The following NOL4 variants were observed in gnomAD, a reference collection of about 807,000 sequenced individuals.
The protein encoded by NOL4 is cancer/testis antigen 125.
NOL4 carries 17 observed loss-of-function variants against 75.9 expected under a neutral mutation model. The ratio of observed to expected loss-of-function variants is 0.22; its 90% CI spans 0.15 to 0.34. NOL4 has a LOEUF of 0.34. Ranked by LOEUF, NOL4 falls within the 10% of genes least tolerant of loss-of-function variation. NOL4 has a pLI of 1.00. For synonymous variants in NOL4, 292 were observed against 289.9 expected (o/e 1.01, Z -0.07); for missense variants, 614 against 793.5 (o/e 0.77, Z 2.72).
At chr18:33,963,845 G>A (rs2070354049) in intron 6 of NOL4, among the ~76,000 whole-genome samples, 4 of 152,164 alleles carry the variant, frequency 2.6e-5, no homozygotes, top group African/African-American at 9.7e-5. Flanking sequence ...AACGTGACCT[G>A]TTTGCTTATC....
chr18:33,926,101 C>T (rs1017736581), intron 9 of NOL4, among the ~76,000 whole-genome samples: 4 of 151,990 alleles, frequency 2.6e-5, no homozygotes, highest in African/African-American at 9.7e-5. Flanking sequence ...GTGGCTTATG[C>T]CTGTAATCCC....
rs560496574 is a variant in NOL4, at chr18:33,862,806, C to A, written c.1724-9771G>T. 3.6e-3 allele frequency among the ~76,000 whole-genome samples: 544 copies of A among 152,284 alleles called. 5 individuals carry two copies. Among genetic ancestry groups the A allele is most frequent in the Middle Eastern group, 0.01 (3 of 294 alleles). ...GAGAGGATGTGGAGAAATAGGAACACTTTTACACTGTTGGTGGGACTGTAA... is the reference window on the plus strand; with the variant it reads ...GAGAGGATGTGGAGAAATAGGAACAATTTTACACTGTTGGTGGGACTGTAA... On this transcript the variant is annotated intron_variant, in intron 10 of 10. Transcript: ENST00000261592.
intron 8 of NOL4, among the ~76,000 whole-genome samples, chr18:33,952,855 T>C (rs1600022753): frequency 6.6e-6 from 1 of 151,830 alleles, no homozygotes; most frequent in South Asian, 2.1e-4. Context: ...AACCGGGAGG[T>C]GGAGGTTGCG....
intron 6 of NOL4, among the ~76,000 whole-genome samples, chr18:33,985,449 T>C (rs980219600): frequency 1.3e-5 from 2 of 152,172 alleles, no homozygotes; most frequent in African/African-American, 4.8e-5. Context: ...TTTGTGTTTT[T>C]CAATCCTATA....
chr18:34,201,610 T>G (rs2035748894), intron 1 of NOL4, among the ~76,000 whole-genome samples: 1 of 151,784 alleles, frequency 6.6e-6, no homozygotes, highest in African/African-American at 2.4e-5. Context: ...AATATTGAGG[T>G]TTTTTTCATG....
chr18:33,864,826 A>G (rs1378604525), intron 10 of NOL4, among the ~76,000 whole-genome samples: 2 of 152,324 alleles, frequency 1.3e-5, no homozygotes, highest in East Asian at 3.9e-4. Context: ...CAGGAAACTT[A>G]CAATCATGGC....
chr18:33,893,604 G>C (rs967065751), intron 9 of NOL4, among the ~76,000 whole-genome samples: 11 of 152,044 alleles, frequency 7.2e-5, no homozygotes, highest in African/African-American at 2.2e-4. Context: ...CCACTGTTTA[G>C]ACTTTATATT....
At chr18:33,967,189 C>A in intron 6 of NOL4, among the ~76,000 whole-genome samples, 1 of 151,968 alleles carries the variant, frequency 6.6e-6, no homozygotes, top group East Asian at 1.9e-4. Context: ...TACAACCATC[C>A]AATCTTCAAC....
intron 9 of NOL4, among the ~76,000 whole-genome samples, chr18:33,919,040 T>C (rs73955079): frequency 0.014 from 2,204 of 152,262 alleles, 70 homozygotes; most frequent in African/African-American, 0.05. Context: ...ATGTATTTTA[T>C]GTATTTTATT....
chr18:33,964,104 T>A (rs2070376839), intron 6 of NOL4, among the ~76,000 whole-genome samples: 1 of 152,206 alleles, frequency 6.6e-6, no homozygotes. Context: ...TATATGTTCA[T>A]ATTCCATGCA....
chr18:34,221,421 T>C (rs117295009), intron 1 of NOL4: 1 of 152,234 alleles, frequency 6.6e-6, no homozygotes, highest in African/African-American at 2.4e-5. Flanking sequence ...TCATTCTGTA[T>C]ATCAGATTTC....
At chr18:34,133,092 G>A (rs1305773113) in intron 1 of NOL4, among the ~76,000 whole-genome samples, 4 of 151,962 alleles carry the variant, frequency 2.6e-5, no homozygotes, top group Middle Eastern at 3.2e-3. Context: ...GACCAACATA[G>A]AGAAACTCCA....
At chr18:34,019,676 G>A (rs1331270287) in intron 5 of NOL4, 75 bp from the exon 6 acceptor site, 2 of 1,332,612 alleles carry the variant, frequency 1.5e-6, no homozygotes, top group Non-Finnish European at 1.0e-6. Context: ...AGCATTTATT[G>A]AGCTCCCATT....
chr18:33,937,697 G>A, intron 9 of NOL4, among the ~76,000 whole-genome samples: 1 of 152,178 alleles, frequency 6.6e-6, no homozygotes, highest in South Asian at 2.1e-4. Flanking sequence ...ACATGCTTTG[G>A]TAGGAAGTAG....
At chr18:34,023,643 C>T in intron 5 of NOL4, 1 of 307,580 alleles carries the variant, frequency 3.3e-6, no homozygotes. Context: ...ATAAGAGTGC[C>T]CAGGGTACCT....
At chr18:34,213,953 A>G (rs1246917335) in intron 1 of NOL4, among the ~76,000 whole-genome samples, 1 of 152,236 alleles carries the variant, frequency 6.6e-6, no homozygotes, top group Non-Finnish European at 1.5e-5. Context: ...TATTTAAATA[A>G]GTACTCCATA....
intron 6 of NOL4, among the ~76,000 whole-genome samples, chr18:33,984,872 C>A (rs887802411): frequency 2.0e-5 from 3 of 151,992 alleles, no homozygotes; most frequent in African/African-American, 7.2e-5. Context: ...ATTTTTTCGA[C>A]TCTGGAAAAG....
chr18:34,186,676 T>C (rs898024064), intron 1 of NOL4, among the ~76,000 whole-genome samples: 1 of 152,198 alleles, frequency 6.6e-6, no homozygotes, highest in African/African-American at 2.4e-5. Flanking sequence ...ATTTAACTCT[T>C]ACCTGTAATA....
intron 6 of NOL4, among the ~76,000 whole-genome samples, chr18:33,990,603 A>T (rs187940345): frequency 1.6e-3 from 245 of 152,154 alleles, no homozygotes; most frequent in African/African-American, 5.5e-3. Context: ...TGCCCCTTAC[A>T]GCCATTTATT....
Sources: allele counts gnomAD v4.1 joint callset (sites outside exome capture counted in the v4.1 genomes callset), GRCh38; gene constraint gnomAD v4.1.1; transcripts MANE v1.5; gene names NCBI Gene and HGNC (gene_info 2026-07-23, HGNC 2026-07-21).